CUL5: variants seen among roughly 807,000 people sequenced by gnomAD.
The protein encoded by CUL5 is cullin-5.
CUL5 carries 26 observed loss-of-function variants against 108.8 expected under a neutral mutation model. The ratio of observed to expected loss-of-function variants is 0.24; its 90% CI spans 0.18 to 0.33. CUL5 has a LOEUF of 0.33. Ranked by LOEUF, CUL5 falls within the 10% of genes least tolerant of loss-of-function variation. The pLI, the probability that CUL5 is intolerant of heterozygous loss-of-function variation, is 1.00. For missense variants in CUL5, 524 were observed against 909.2 expected, an observed-to-expected ratio of 0.58 and a Z score of 5.45; for synonymous variants, 334 against 298.0, an observed-to-expected ratio of 1.12 and a Z score of -1.25.
chr11:108,015,735 A>G (rs542588128), intron 1 of CUL5, among the ~76,000 whole-genome samples: 9 of 152,222 alleles, frequency 5.9e-5, no homozygotes, highest in Non-Finnish European at 1.0e-4. Flanking sequence ...GTTCTATGAA[A>G]ATAAATGATT....
At chr11:108,042,218 CTT>C (rs11440201) in intron 2 of CUL5, among the ~76,000 whole-genome samples, 2 of 124,072 alleles carry the variant, frequency 1.6e-5, no homozygotes, top group Non-Finnish European at 1.6e-5. Context: ...ATCCACAATT[CTT>C]TTTTTTTTTT....
chr11:108,040,724 C>A (rs11212492), intron 2 of CUL5, among the ~76,000 whole-genome samples: 1 of 151,288 alleles, frequency 6.6e-6, no homozygotes, highest in Non-Finnish European at 1.5e-5. Context: ...TTTTAAGTTA[C>A]GAGCTTATCA....
intron 7 of CUL5, among the ~76,000 whole-genome samples, chr11:108,055,327 G>A (rs1361719261): frequency 2.0e-5 from 3 of 151,776 alleles, no homozygotes; most frequent in Admixed American, 2.0e-4. Context: ...TTTTTGTACC[G>A]GTTATGTTCT....
rs561098044 is a variant in CUL5, at chr11:108,060,454, C to G, written c.780+5499C>G. On this transcript the variant is annotated intron_variant, in intron 7 of 18. Coordinates refer to ENST00000393094, the MANE Select transcript of CUL5 (RefSeq NM_003478.6). ...AAAGCAAACTATTCCTTATACAGAG[C>G]TATATAACTAATGAAAATCAGAAAT... is the stretch of plus-strand genomic sequence containing the variant. Among the ~76,000 whole-genome samples, 3 of 152,078 alleles carry G rather than the reference C, an allele frequency of 2.0e-5. No homozygotes were observed. In the South Asian group the frequency reaches 6.2e-4, roughly 32 times the overall value.
intron 2 of CUL5, among the ~76,000 whole-genome samples, chr11:108,046,050 C>T (rs1263776971): frequency 6.6e-6 from 1 of 151,882 alleles, no homozygotes; most frequent in East Asian, 1.9e-4. Context: ...TGGTAAGTAG[C>T]AGAGAATTAA....
chr11:108,045,130 T>C (rs1367625727), intron 2 of CUL5, among the ~76,000 whole-genome samples: 2 of 152,232 alleles, frequency 1.3e-5, no homozygotes, highest in Non-Finnish European at 2.9e-5. Flanking sequence ...ATTTCTATAA[T>C]GAAGAACTTT....
chr11:108,101,597 A>G (rs542793126), intron 18 of CUL5, among the ~76,000 whole-genome samples: 12 of 152,310 alleles, frequency 7.9e-5, no homozygotes, highest in Admixed American at 4.6e-4. Context: ...TTGCCCTGTC[A>G]TTAAAGGCCC....
intron 4 of CUL5, among the ~76,000 whole-genome samples, chr11:108,051,548 T>G (rs1192798870): frequency 3.9e-5 from 6 of 152,240 alleles, no homozygotes; most frequent in Admixed American, 3.9e-4. Context: ...ATAAAACTGT[T>G]AACTCTTGTT....
In CUL5 at chr11:108,078,172, G is replaced by T; in HGVS notation, c.1114-4G>T. On this transcript the variant is annotated splice_region_variant and splice_polypyrimidine_tract_variant and intron_variant, in intron 10 of 18. Transcript: ENST00000393094. ...AATATTTTATTCCAAATTATTTTTT[G>T]CAGGCGTATAAAGCAGTTGTTAATG... The T allele has an allele frequency of 6.6e-7, 1 of 1,503,948 alleles. No homozygotes were observed. 93.2% of individuals were successfully genotyped at this position (1,503,948 alleles called of 1,614,324 possible).
intron 1 of CUL5, among the ~76,000 whole-genome samples, chr11:108,022,012 C>T (rs1373278996): frequency 6.6e-6 from 1 of 151,596 alleles, no homozygotes; most frequent in East Asian, 2.0e-4. Context: ...ATCTATCCAT[C>T]GATCCATCCA....
intron 12 of CUL5, among the ~76,000 whole-genome samples, chr11:108,089,088 A>C (rs1352339917): frequency 6.6e-6 from 1 of 152,156 alleles, no homozygotes; most frequent in Non-Finnish European, 1.5e-5. Flanking sequence ...ATGTAAGCCC[A>C]GGAATACAAA....
intron 11 of CUL5, 95 bp from the exon 12 acceptor site, chr11:108,088,432 A>G (rs111506857): frequency 9.6e-5 from 127 of 1,325,574 alleles, no homozygotes; most frequent in Non-Finnish European, 1.3e-4. Context: ...AGATTATTTA[A>G]CATGAGAAAT....
intron 1 of CUL5, among the ~76,000 whole-genome samples, chr11:108,023,655 A>G (rs11212488): frequency 0.35 from 53,921 of 151,986 alleles, 11,218 homozygotes; most frequent in Middle Eastern, 0.54. Context: ...TATGTGCCCC[A>G]ATGCACAGTA....
intron 7 of CUL5, among the ~76,000 whole-genome samples, chr11:108,057,918 TAAAG>T (rs1442140405): frequency 6.6e-6 from 1 of 152,202 alleles, no homozygotes; most frequent in East Asian, 1.9e-4. Flanking sequence ...GTTGAAAAAA[TAAAG>T]AATATTGGCT....
intron 7 of CUL5, among the ~76,000 whole-genome samples, chr11:108,063,952 G>A (rs945117738): frequency 2.0e-5 from 3 of 152,136 alleles, no homozygotes; most frequent in Admixed American, 6.5e-5. Flanking sequence ...ATGATGTCTC[G>A]TTGTAGGTAA....
chr11:108,084,682 T>C (rs980257884), intron 11 of CUL5, among the ~76,000 whole-genome samples: 4 of 152,356 alleles, frequency 2.6e-5, no homozygotes, highest in Admixed American at 1.3e-4. Context: ...AAAATCATTT[T>C]AGAAGCGATC....
chr11:108,017,440 A>G (rs1862226888), intron 1 of CUL5, among the ~76,000 whole-genome samples: 2 of 151,904 alleles, frequency 1.3e-5, no homozygotes, highest in Non-Finnish European at 2.9e-5. Flanking sequence ...GAATATGACA[A>G]AGTTCTTAGA....
chr11:108,038,759 C>G (rs528708393), intron 2 of CUL5, among the ~76,000 whole-genome samples: 5 of 151,508 alleles, frequency 3.3e-5, no homozygotes, highest in Non-Finnish European at 2.9e-5. Flanking sequence ...AAAGGGATTT[C>G]TGACTGACAA....
intron 1 of CUL5, among the ~76,000 whole-genome samples, chr11:108,019,660 C>G (rs559776400): frequency 6.6e-6 from 1 of 152,210 alleles, no homozygotes; most frequent in Admixed American, 6.5e-5. Context: ...TGCTGTCACT[C>G]TTATAAAAGT....
Sources: gnomAD v4.1 joint callset for allele counts (sites outside exome capture counted in the v4.1 genomes callset) on GRCh38, gnomAD v4.1.1 for gene constraint, MANE v1.5 for transcripts, NCBI Gene and HGNC (gene_info 2026-07-23, HGNC 2026-07-21) for gene names.